Variants in MAGED1 observed in about 807,000 individuals in gnomAD.
The protein encoded by MAGED1 is melanoma-associated antigen D1.
A neutral mutation model predicts 54.1 loss-of-function variants in MAGED1; 3 were observed. That is an observed-to-expected ratio of 0.06 (90% CI 0.03 to 0.14). The LOEUF (loss-of-function observed/expected upper bound fraction) is 0.14. Among genes scored for constraint, MAGED1 ranks in the 10% least tolerant of loss-of-function variants. The pLI, the probability that MAGED1 is intolerant of heterozygous loss-of-function variation, is 1.00. For missense variants in MAGED1, 485 were observed against 623.4 expected, an observed-to-expected ratio of 0.78 and a Z score of 2.36; for synonymous variants, 217 against 227.3, an observed-to-expected ratio of 0.95 and a Z score of 0.41.
At chrX:51,902,084 A>G in intron 12 of MAGED1, 62 bp from the exon 13 acceptor site, 1 of 496,135 alleles carries the variant, frequency 2.0e-6, no homozygotes, top group Non-Finnish European at 3.1e-6. Context: ...TTTGGTATGT[A>G]TATTCCTTAT....
intron 2 of MAGED1, chrX:51,894,601 A>T: frequency 8.5e-7 from 1 of 1,170,665 alleles, no homozygotes; most frequent in African/African-American, 1.8e-5. Context: ...CGGGGTGGGT[A>T]AGGAACCATT....
chrX:51,884,046 T>G (rs1399453382), intron 1 of MAGED1, among the ~76,000 whole-genome samples: 4 of 111,382 alleles, frequency 3.6e-5, no homozygotes, highest in African/African-American at 9.8e-5. Flanking sequence ...TTTAAATATG[T>G]GTCATTGTAA....
chrX:51,837,977 C>T (rs1197942769), intron 1 of MAGED1, among the ~76,000 whole-genome samples: 1 of 112,608 alleles, frequency 8.9e-6, no homozygotes, highest in Non-Finnish European at 1.9e-5. Flanking sequence ...TAACCACTAT[C>T]AACAAAAGTT....
chrX:51,887,768 T>C (rs902056483), intron 1 of MAGED1, among the ~76,000 whole-genome samples: 4 of 109,271 alleles, frequency 3.7e-5, no homozygotes, highest in Non-Finnish European at 7.6e-5. Flanking sequence ...TTAGAAGATA[T>C]TGTAGGAGAA....
intron 1 of MAGED1, among the ~76,000 whole-genome samples, chrX:51,881,795 T>G (rs1479755658): frequency 1.8e-5 from 2 of 111,393 alleles, no homozygotes; most frequent in African/African-American, 6.5e-5. Flanking sequence ...CTAATTCCAT[T>G]TACTTCCAGC....
At chrX:51,804,995 A>G (rs1234069661) in intron 1 of MAGED1, among the ~76,000 whole-genome samples, 1 of 111,959 alleles carries the variant, frequency 8.9e-6, no homozygotes, top group Non-Finnish European at 1.9e-5. Context: ...CTGCATACTC[A>G]AATAACCTGA....
Position 51,901,791 on chromosome X carries a change from C to A in MAGED1, c.2198C>A (p.Thr733Asn), listed in dbSNP as rs1449548717. The A allele has an allele frequency of 1.4e-5, 17 of 1,209,645 alleles. No individual in the cohort carries two copies. Among genetic ancestry groups the A allele is most frequent in the Non-Finnish European group, 1.8e-5 (16 of 895,227 alleles). The change falls in exon 12 of 13, where the codon ACC (threonine) becomes AAC (asparagine). Residue 733 changes from threonine to asparagine, a missense_variant. Physicochemically the swap from Thr to Asn is moderately conservative, Grantham distance 65 (BLOSUM62 0). Transcript: ENST00000326587. ...GATCCCTGGTCCAGAATTCCATTTA[C>A]CTTCTGGGCCAGATACCACCAGAAT... Reference protein sequence around the residue: ...FGDPWSRIPFTFWARYHQNAR... With the variant: ...FGDPWSRIPFNFWARYHQNAR...
chrX:51,882,849 C>A (rs2147003366), intron 1 of MAGED1, among the ~76,000 whole-genome samples: 1 of 110,661 alleles, frequency 9.0e-6, no homozygotes, highest in South Asian at 3.9e-4. Context: ...TGCCACCACG[C>A]CCGGCTAATT....
chrX:51,805,475 A>G (rs1557354971), intron 1 of MAGED1, among the ~76,000 whole-genome samples: 1 of 110,472 alleles, frequency 9.1e-6, no homozygotes. Context: ...AATGAGAAAT[A>G]AAAAATATAC....
chrX:51,894,819 GC>G (rs1569556016), intron 2 of MAGED1: 4 of 1,134,776 alleles, frequency 3.5e-6, no homozygotes, highest in Non-Finnish European at 4.6e-6. Context: ...TCCGCATACC[GC>G]CCCACCCCTC....
At chrX:51,807,109 T>C (rs1321376767) in intron 1 of MAGED1, among the ~76,000 whole-genome samples, 1 of 111,827 alleles carries the variant, frequency 8.9e-6, no homozygotes, top group Non-Finnish European at 1.9e-5. Context: ...GAGTGGAAGT[T>C]GCTCTAGAAT....
At chrX:51,811,893 G>A in intron 1 of MAGED1, among the ~76,000 whole-genome samples, 1 of 111,217 alleles carries the variant, frequency 9.0e-6, no homozygotes, top group East Asian at 2.9e-4. Flanking sequence ...ATAAGTCTTA[G>A]AAAAGACAGA....
In MAGED1 at chrX:51,836,427, T is replaced by A. The variant is rs192828136; in HGVS notation, c.-37+33310T>A. On this transcript the variant is annotated intron_variant, in intron 1 of 12. Transcript: ENST00000375772. ...GGTGGAACCAGGGTGGTGCTCAGTC[T>A]ACGGAAAATTATTCCTTGCTGGCTG... Among the ~76,000 whole-genome samples the A allele has an allele frequency of 4.5e-5, 5 of 111,417 alleles. No homozygotes were observed. The East Asian group carries it at 1.4e-3, about 31-fold the overall frequency.
intron 1 of MAGED1, among the ~76,000 whole-genome samples, chrX:51,826,595 C>T (rs1557356980): frequency 9.0e-6 from 1 of 111,028 alleles, no homozygotes; most frequent in East Asian, 2.8e-4. Flanking sequence ...GACACCTCAC[C>T]AAAGAAAATA....
intron 1 of MAGED1, among the ~76,000 whole-genome samples, chrX:51,808,589 G>T (rs993982418): frequency 1.8e-5 from 2 of 111,448 alleles, no homozygotes; most frequent in Non-Finnish European, 3.8e-5. Flanking sequence ...TGTGCTTGTA[G>T]TCCCAGCTAC....
intron 1 of MAGED1, among the ~76,000 whole-genome samples, chrX:51,809,154 G>A (rs781834205): frequency 1.6e-3 from 175 of 109,327 alleles, no homozygotes; most frequent in African/African-American, 5.6e-3. Flanking sequence ...TCGCTCTGTC[G>A]CCCAGGCTAG....
chrX:51,877,449 G>A (rs1188035835), intron 1 of MAGED1, among the ~76,000 whole-genome samples: 1 of 111,222 alleles, frequency 9.0e-6, no homozygotes, highest in Non-Finnish European at 1.9e-5. Context: ...TTTCTAGAAA[G>A]CAATTTGGTA....
rs1429808339 is a variant in MAGED1 at position 51,901,949 on chromosome X, C to G, written c.*8+11C>G. ...TGAGTGAGATGTTGGGTAGGTACAT[C>G]ACTTTGGATTGGGCAGTTAGGGTCT... On this transcript the variant is annotated intron_variant, in intron 12 of 12. Transcript: ENST00000326587. 2.5e-6 allele frequency: 3 copies of G among 1,186,712 alleles called. No homozygotes were observed. The highest frequency in any genetic ancestry group is 2.3e-5 in the Admixed American group (1 of 43,793).
At chrX:51,893,164 C>T (rs1557363652), upstream of MAGED1, among the ~76,000 whole-genome samples, 1 of 110,961 alleles carries the variant, frequency 9.0e-6, no homozygotes, top group Admixed American at 9.6e-5. Flanking sequence ...AGTGTATCCT[C>T]TCAGGCCATT....
Sources: gnomAD v4.1 joint callset for allele counts (sites outside exome capture counted in the v4.1 genomes callset) on GRCh38, gnomAD v4.1.1 for gene constraint, MANE v1.5 for transcripts, NCBI Gene and HGNC (gene_info 2026-07-23, HGNC 2026-07-21) for gene names.